The following CELF1 variants were observed in gnomAD, a reference collection of about 807,000 sequenced individuals.
CELF1 encodes the protein 50 kDa nuclear polyadenylated RNA-binding protein.
In CELF1, 10 loss-of-function variants were observed where a neutral mutation model predicts 61.8. That is an observed-to-expected ratio of 0.16 (90% CI 0.10 to 0.27). The LOEUF (loss-of-function observed/expected upper bound fraction) is 0.27, where lower values mean the gene tolerates loss of function less well. Among genes scored for constraint, CELF1 ranks in the 10% least tolerant of loss-of-function variants. The probability of loss-of-function intolerance (pLI) is 1.00; values close to 1 mark genes in which losing one functional copy is unlikely to be tolerated. For synonymous variants in CELF1, 236 were observed against 225.1 expected (o/e 1.05, Z -0.43); for missense variants, 380 against 639.1 (o/e 0.59, Z 4.37).
intron 14 of CELF1, 63 bp from the exon 15 acceptor site, chr11:47,472,420 C>G: frequency 6.4e-7 from 1 of 1,564,402 alleles, no homozygotes; most frequent in Non-Finnish European, 8.8e-7. Context: ...CTCAGTCCTC[C>G]TTATGCAAGA....
At position 47,490,662 on chromosome 11, in the gene CELF1, G is replaced by C. The variant is rs1386687258; in HGVS notation, c.72-1638C>G. On this transcript the variant is annotated intron_variant, in intron 3 of 14. Coordinates refer to ENST00000687097, the MANE Select transcript of CELF1 (RefSeq NM_001376376.1). ...GCTGGTCTCAAACTCCTGACCTCAG[G>C]TGATCTGCCCACCTCGGTCTCCCAA... Among the ~76,000 whole-genome samples, 3 of 152,068 alleles carry C rather than the reference G, an allele frequency of 2.0e-5. No homozygotes were observed. In the East Asian group the frequency reaches 5.8e-4, roughly 29 times the overall value.
chr11:47,512,858 G>C (rs1178135999), intron 1 of CELF1, among the ~76,000 whole-genome samples: 2 of 152,126 alleles, frequency 1.3e-5, no homozygotes, highest in Non-Finnish European at 2.9e-5. Flanking sequence ...ACAGATAAAA[G>C]GATCAAGCGG....
chr11:47,529,138 C>T (rs1255918222), intron 1 of CELF1, among the ~76,000 whole-genome samples: 1 of 148,912 alleles, frequency 6.7e-6, no homozygotes, highest in East Asian at 2.0e-4. Context: ...AGCACAGTGG[C>T]GCAATCTCAG....
At chr11:47,562,226 C>CAAA (rs745795043) in intron 2 of CELF1, among the ~76,000 whole-genome samples, 5 of 81,658 alleles carry the variant, frequency 6.1e-5, no homozygotes, top group Non-Finnish European at 1.0e-4. Context: ...AACTCCATCT[C>CAAA]AAAAAAAAAA....
At chr11:47,527,621 C>G (rs2096293799) in intron 1 of CELF1, among the ~76,000 whole-genome samples, 1 of 152,138 alleles carries the variant, frequency 6.6e-6, no homozygotes, top group African/African-American at 2.4e-5. Context: ...TATATACTGA[C>G]TTCATTGTAT....
intron 1 of CELF1, among the ~76,000 whole-genome samples, chr11:47,501,728 CAGG>C (rs888545794): frequency 2.0e-5 from 3 of 151,984 alleles, no homozygotes; most frequent in Non-Finnish European, 2.9e-5. Flanking sequence ...GAGGCTAAGG[CAGG>C]AGAATAGCTT....
chr11:47,536,399 T>A (rs757232320), intron 1 of CELF1, among the ~76,000 whole-genome samples: 3 of 152,276 alleles, frequency 2.0e-5, no homozygotes, highest in African/African-American at 4.8e-5. Context: ...GACTGATAGA[T>A]AGTTTCCCAA....
At chr11:47,521,827 G>A (rs144129736) in intron 1 of CELF1, among the ~76,000 whole-genome samples, 26 of 152,126 alleles carry the variant, frequency 1.7e-4, no homozygotes, top group African/African-American at 6.3e-4. Flanking sequence ...CAATGGTTAT[G>A]TTACTCAAAG....
intron 1 of CELF1, chr11:47,564,599 C>G (rs372621951): frequency 2.6e-5 from 4 of 152,020 alleles, no homozygotes; most frequent in African/African-American, 9.7e-5. Flanking sequence ...TCGAGACCAG[C>G]CTGGCTGACA....
At chr11:47,547,090 A>AAAAAAAAAG (rs2096978675) in intron 1 of CELF1, among the ~76,000 whole-genome samples, 1 of 145,534 alleles carries the variant, frequency 6.9e-6, no homozygotes, top group African/African-American at 2.5e-5. Flanking sequence ...AAAAAAAAAA[A>AAAAAAAAAG]AAAGAAAGAA....
At chr11:47,489,935 G>GGTTTTTTTTTTTTTTTTTT (rs1555170254) in intron 3 of CELF1, among the ~76,000 whole-genome samples, 2 of 48,226 alleles carry the variant, frequency 4.1e-5, no homozygotes, top group East Asian at 6.0e-4. Flanking sequence ...ATACCATCTT[G>GGTTTTTTTTTTTTTTTTTT]TTTTTTTTTT....
In CELF1 at chr11:47,471,112, T is replaced by G. The variant is rs2077597938; in HGVS notation, c.*1118A>C. ...CTCAATCAAGGAGGCAAGGGAGAAT[T>G]TCTGGCCACTGGCAAATGAAGCATA... On this transcript the variant is annotated 3_prime_UTR_variant, in exon 15 of 15. Coordinates refer to ENST00000687097, the MANE Select transcript of CELF1 (RefSeq NM_001376376.1). 6.6e-6 allele frequency: 1 copy of G among 152,262 alleles called. No homozygotes were observed. The highest frequency in any genetic ancestry group is 2.1e-4 in the South Asian group (1 of 4,822). 9.4% of individuals were successfully genotyped at this position (152,262 alleles called of 1,614,324 possible). A position where few individuals can be genotyped will look rare whatever the true frequency, so the allele number is the denominator to read the frequency against.
At chr11:47,473,891 C>G (rs948579120) in intron 13 of CELF1, among the ~76,000 whole-genome samples, 7 of 146,762 alleles carry the variant, frequency 4.8e-5, no homozygotes, top group Non-Finnish European at 1.0e-4. Flanking sequence ...TATTTACACT[C>G]AATGATTTTC....
chr11:47,538,104 G>C (rs559722135), intron 1 of CELF1, among the ~76,000 whole-genome samples: 2 of 151,992 alleles, frequency 1.3e-5, no homozygotes, highest in South Asian at 2.1e-4. Flanking sequence ...TGTAGAGACA[G>C]AGTCCCTGTA....
Position 47,547,705 on chromosome 11 carries a change from T to A in CELF1, c.-154+5287A>T, listed in dbSNP as rs534940720. 8.1e-5 allele frequency among the ~76,000 whole-genome samples: 12 copies of A among 147,818 alleles called. No homozygotes were observed. In the East Asian group the frequency reaches 2.4e-3, roughly 29 times the overall value. ...AAAAGAAAAAAAAAAGGAAATTAGG[T>A]CCTGATACATGCTACAAAATGATGC... On this transcript the variant is annotated intron_variant, in intron 1 of 14. Transcript: ENST00000687097.
intron 1 of CELF1, among the ~76,000 whole-genome samples, chr11:47,548,987 T>C (rs183992872): frequency 3.5e-4 from 52 of 149,828 alleles, no homozygotes; most frequent in Non-Finnish European, 6.7e-4. Context: ...CCAAAGATAA[T>C]ATATAAATGG....
intron 1 of CELF1, among the ~76,000 whole-genome samples, chr11:47,536,692 G>A (rs952075234): frequency 2.8e-4 from 43 of 152,132 alleles, no homozygotes; most frequent in African/African-American, 9.4e-4. Context: ...CCTGGGAAGC[G>A]GGGGCTGCAG....
chr11:47,505,777 A>C (rs1242996368), intron 1 of CELF1, among the ~76,000 whole-genome samples: 1 of 149,578 alleles, frequency 6.7e-6, no homozygotes, highest in Non-Finnish European at 1.5e-5. Context: ...AAATACAAAA[A>C]TACAAAAATT....
intron 3 of CELF1, among the ~76,000 whole-genome samples, chr11:47,489,935 GTTTTTTTTTT>G (rs561900704): frequency 2.1e-5 from 1 of 48,226 alleles, no homozygotes; most frequent in African/African-American, 7.8e-5. Flanking sequence ...ATACCATCTT[GTTTTTTTTTT>G]TTTTTTTTTT....
Sources: allele counts gnomAD v4.1 joint callset (sites outside exome capture counted in the v4.1 genomes callset), GRCh38; gene constraint gnomAD v4.1.1; transcripts MANE v1.5; gene names NCBI Gene and HGNC (gene_info 2026-07-23, HGNC 2026-07-21).